AFAP1: variants seen among roughly 807,000 people sequenced by gnomAD.
AFAP1 encodes actin filament associated protein 1, also known as actin filament-associated protein 1.
AFAP1 carries 75 observed loss-of-function variants against 93.9 expected under a neutral mutation model. The ratio of observed to expected loss-of-function variants is 0.80; its 90% confidence interval spans 0.66 to 0.97. The LOEUF is 0.97. Ranked by LOEUF, AFAP1 falls within the 50% of genes least tolerant of loss-of-function variation. The probability of loss-of-function intolerance (pLI) is 0.00; values close to 1 mark genes in which losing one functional copy is unlikely to be tolerated. For synonymous variants in AFAP1, 517 were observed against 430.7 expected (o/e 1.20, Z -2.48); for missense variants, 1,201 against 1,050.8 (o/e 1.14, Z -1.98).
At position 7,850,867 on chromosome 4, in the gene AFAP1, A is replaced by T. The variant is rs1221117331; in HGVS notation, c.334+4599T>A. Among the ~76,000 whole-genome samples, 5 of 152,330 alleles carry T rather than the reference A, an allele frequency of 3.3e-5. No homozygotes were observed. In the East Asian group the frequency reaches 5.8e-4, roughly 18 times the overall value. ...GAGTTGCAGTTTGACCTCATGGATT[A>T]TCGTTTACCCTTGACCTCCTGCGCT... On this transcript the variant is annotated intron_variant, in intron 4 of 17. Transcript: ENST00000420658.
Position 7,809,485 on chromosome 4 carries a change from T to G in AFAP1, c.1054+129A>C, listed in dbSNP as rs1719821515. On this transcript the variant is annotated intron_variant, in intron 9 of 17. Transcript: ENST00000420658. Reference sequence around the variant, plus strand: ...TTTAATACATTTCCCACTATCTGAATGATTCCAAGTCCAATGCAAAAGAGC... The same window carrying G: ...TTTAATACATTTCCCACTATCTGAAGGATTCCAAGTCCAATGCAAAAGAGC... 8 of 1,113,928 alleles carry G rather than the reference T, an allele frequency of 7.2e-6. No homozygotes were observed. In the South Asian group the frequency reaches 1.1e-4, roughly 16 times the overall value. 69.0% of individuals were successfully genotyped at this position (1,113,928 alleles called of 1,614,324 possible).
chr4:7,928,031 TAAG>T (rs1720865582), intron 1 of AFAP1, among the ~76,000 whole-genome samples: 1 of 152,218 alleles, frequency 6.6e-6, no homozygotes, highest in Admixed American at 6.5e-5. Flanking sequence ...CCAATCATGA[TAAG>T]AATTTTCAGT....
At chr4:7,938,788 G>C (rs1221719102) in intron 1 of AFAP1, among the ~76,000 whole-genome samples, 2 of 152,082 alleles carry the variant, frequency 1.3e-5, no homozygotes, top group East Asian at 3.9e-4. Flanking sequence ...CCGGGCAGTA[G>C]GGCCCTGCTC....
intron 1 of AFAP1, among the ~76,000 whole-genome samples, chr4:7,925,264 T>C (rs1188517406): frequency 4.6e-5 from 7 of 152,312 alleles, no homozygotes; most frequent in African/African-American, 9.6e-5. Flanking sequence ...AGAGACCATA[T>C]ACCCCTCAGG....
chr4:7,838,605 G>C lies in AFAP1; in HGVS notation c.645C>G (p.His215Gln). The change falls in exon 6 of 18, where the codon CAC (histidine) becomes CAG (glutamine). Residue 215 changes from histidine to glutamine, a missense_variant. Coordinates refer to ENST00000420658, the MANE Select transcript of AFAP1 (RefSeq NM_001134647.2). Reference protein sequence around the residue: ...YIPKDSKKKKHELKITQQGTD... With the variant: ...YIPKDSKKKKQELKITQQGTD... ...TGCCCTGCTGAGTAATCTTCAGCTC[G>C]TGCTTCTTCTTTTTGCTGTCTTTCG... The C allele has an allele frequency of 6.2e-7, 1 of 1,614,114 alleles. No individual in the cohort carries two copies. The highest frequency in any genetic ancestry group is 8.5e-7 in the Non-Finnish European group (1 of 1,180,042).
At chr4:7,786,400 C>T in intron 11 of AFAP1, 89 bp from the exon 12 acceptor site, 2 of 1,094,164 alleles carry the variant, frequency 1.8e-6, no homozygotes, top group Middle Eastern at 4.0e-4. Context: ...ACTTTATGCC[C>T]AAGGCTATGT....
In AFAP1 at chr4:7,864,511, T is replaced by C. The variant is rs557664739; in HGVS notation, c.225+4111A>G. Among the ~76,000 whole-genome samples the C allele has an allele frequency of 4.7e-4, 72 of 152,280 alleles. 1 individual carries two copies. The highest frequency in any genetic ancestry group is 1.7e-3 in the African/African-American group (70 of 41,550). ...CTAAAAAACTATCAGAAAACTACAGTCCAGCTAGCTTAACCAAAGCTCTAC... is the reference window on the plus strand; with the variant it reads ...CTAAAAAACTATCAGAAAACTACAGCCCAGCTAGCTTAACCAAAGCTCTAC... On this transcript the variant is annotated intron_variant, in intron 3 of 17. Coordinates refer to ENST00000420658, the MANE Select transcript of AFAP1 (RefSeq NM_001134647.2).
chr4:7,921,472 A>T (rs1720438765), intron 1 of AFAP1, among the ~76,000 whole-genome samples: 1 of 100,650 alleles, frequency 9.9e-6, no homozygotes, highest in Admixed American at 1.2e-4. Context: ...GGCATGAGCC[A>T]CCGCACCTGG....
intron 1 of AFAP1, among the ~76,000 whole-genome samples, chr4:7,877,875 C>T (rs1717604660): frequency 6.6e-6 from 1 of 152,130 alleles, no homozygotes; most frequent in Admixed American, 6.5e-5. Context: ...TAGCACAATT[C>T]TTCGTTGAGC....
intron 1 of AFAP1, among the ~76,000 whole-genome samples, chr4:7,900,822 G>A (rs1053922383): frequency 6.6e-6 from 1 of 152,182 alleles, no homozygotes; most frequent in African/African-American, 2.4e-5. Flanking sequence ...TGAGGAATAC[G>A]TTTATATAGG....
intron 1 of AFAP1, among the ~76,000 whole-genome samples, chr4:7,922,499 AGAT>A (rs1720493326): frequency 6.6e-6 from 1 of 152,238 alleles, no homozygotes; most frequent in African/African-American, 2.4e-5. Context: ...TAGGCGAAGA[AGAT>A]GAAGAGACGA....
At chr4:7,809,195 T>A (rs1719796394) in intron 9 of AFAP1, among the ~76,000 whole-genome samples, 1 of 151,972 alleles carries the variant, frequency 6.6e-6, no homozygotes, top group Non-Finnish European at 1.5e-5. Flanking sequence ...TATCTCCTAA[T>A]GCTATCCCTC....
intron 5 of AFAP1, among the ~76,000 whole-genome samples, chr4:7,839,889 G>T (rs1025329333): frequency 6.6e-6 from 1 of 152,158 alleles, no homozygotes; most frequent in Non-Finnish European, 1.5e-5. Flanking sequence ...AACTTCCTGA[G>T]TCTGTTTCCT....
At position 7,763,491 on chromosome 4, in the gene AFAP1, C is replaced by G. The variant is rs1714100700; in HGVS notation, c.*274G>C. On this transcript the variant is annotated 3_prime_UTR_variant, in exon 18 of 18. Transcript: ENST00000420658. ...ATCTGGTTAGAAAGATGTCACTTCGCCTGATAGCATCCTTTCAAACACCTT... is the reference window on the plus strand; with the variant it reads ...ATCTGGTTAGAAAGATGTCACTTCGGCTGATAGCATCCTTTCAAACACCTT... The G allele has an allele frequency of 4.1e-6, 2 of 489,902 alleles. No homozygotes were observed. Among genetic ancestry groups the G allele is most frequent in the Non-Finnish European group, 7.2e-6 (2 of 276,692 alleles). The allele number at this position is 489,902 out of a possible 1,614,324, so 30.3% of individuals were successfully genotyped here. A position where few individuals can be genotyped will look rare whatever the true frequency, so the allele number is the denominator to read the frequency against.
chr4:7,829,772 G>T (rs1020562235), intron 6 of AFAP1, among the ~76,000 whole-genome samples: 1 of 152,062 alleles, frequency 6.6e-6, no homozygotes, highest in African/African-American at 2.4e-5. Flanking sequence ...TTGGTGGGAG[G>T]GAAAATTGGT....
intron 1 of AFAP1, among the ~76,000 whole-genome samples, chr4:7,877,262 G>T (rs771689417): frequency 2.0e-5 from 3 of 152,226 alleles, no homozygotes; most frequent in Non-Finnish European, 4.4e-5. Context: ...CACAGGAAGA[G>T]AATGACCATT....
intron 15 of AFAP1, chr4:7,773,742 G>A (rs1400129337): frequency 2.0e-5 from 3 of 152,480 alleles, no homozygotes; most frequent in Non-Finnish European, 4.4e-5. Context: ...TCCTCCCGTA[G>A]GGTCAGCCTC....
chr4:7,833,761 TGTATTTTTA>T (rs1711916294), intron 6 of AFAP1, among the ~76,000 whole-genome samples: 1 of 152,016 alleles, frequency 6.6e-6, no homozygotes, highest in African/African-American at 2.4e-5. Context: ...GCTAGTTTTT[TGTATTTTTA>T]GTAGACACAG....
chr4:7,801,935 A>AC (rs1719080249), intron 9 of AFAP1, among the ~76,000 whole-genome samples: 1 of 151,136 alleles, frequency 6.6e-6, no homozygotes, highest in South Asian at 2.1e-4. Flanking sequence ...AAAAAAAAAA[A>AC]AAAAAAACTA....
Sources: allele counts gnomAD v4.1 joint callset (sites outside exome capture counted in the v4.1 genomes callset), GRCh38; gene constraint gnomAD v4.1.1; transcripts MANE v1.5; gene names NCBI Gene and HGNC (gene_info 2026-07-23, HGNC 2026-07-21).